Variants in SHTN1 observed in about 807,000 individuals in gnomAD.
SHTN1 encodes shootin-1.
Under a neutral mutation model 83.1 loss-of-function variants are expected in SHTN1, and 42 were observed. That is an observed-to-expected ratio of 0.51 (90% CI 0.39 to 0.65). SHTN1 has a LOEUF of 0.65. Among genes scored for constraint, SHTN1 ranks in the 30% least tolerant of loss-of-function variants. The pLI is 0.00. For missense variants in SHTN1, 622 were observed against 737.8 expected (o/e 0.84, Z 1.82); for synonymous variants, 224 against 247.7 (o/e 0.90, Z 0.90).
chr10:117,067,407 A>C (rs537198130), intron 1 of SHTN1, among the ~76,000 whole-genome samples: 1 of 152,162 alleles, frequency 6.6e-6, no homozygotes, highest in East Asian at 1.9e-4. Context: ...CCTAGCCAAC[A>C]TGGGGGAAAC....
intron 15 of SHTN1, 138 bp downstream of exon 15, chr10:116,906,489 C>T: frequency 1.3e-6 from 1 of 744,084 alleles, no homozygotes; most frequent in African/African-American, 1.8e-5. Context: ...TATCTTTACC[C>T]ATCCCATACT....
chr10:116,951,810 T>A (rs972350536), intron 6 of SHTN1, 99 bp downstream of exon 6: 3 of 506,276 alleles, frequency 5.9e-6, no homozygotes, highest in Middle Eastern at 2.9e-4. Context: ...ATGGTTCTCA[T>A]GTTAGAAATT....
chr10:116,995,335 C>G (rs929926611), intron 1 of SHTN1, among the ~76,000 whole-genome samples: 5 of 152,110 alleles, frequency 3.3e-5, no homozygotes, highest in African/African-American at 4.8e-5. Context: ...AAAGGAGAAA[C>G]TGAACTCCTA....
intron 1 of SHTN1, among the ~76,000 whole-genome samples, chr10:117,004,684 C>T (rs924173623): frequency 9.9e-5 from 15 of 152,132 alleles, no homozygotes; most frequent in African/African-American, 3.6e-4. Flanking sequence ...GCCCCACCCG[C>T]TTCTCCGGCA....
At chr10:117,125,440 T>G (rs953318631) in intron 1 of SHTN1, among the ~76,000 whole-genome samples, 1 of 152,190 alleles carries the variant, frequency 6.6e-6, no homozygotes, top group East Asian at 1.9e-4. Flanking sequence ...ATCCCAGACC[T>G]CGACACCAAT....
intron 16 of SHTN1, chr10:116,901,032 G>C (rs1489431406): frequency 4.5e-5 from 44 of 985,272 alleles, no homozygotes; most frequent in Non-Finnish European, 5.2e-5. Context: ...CAGGAAATCA[G>C]AGGTTTAATT....
chr10:116,976,407 G>A (rs980726370), intron 2 of SHTN1, among the ~76,000 whole-genome samples: 2 of 152,130 alleles, frequency 1.3e-5, no homozygotes, highest in African/African-American at 4.8e-5. Flanking sequence ...TAGACATGTG[G>A]AAGGAAAAAA....
chr10:116,988,087 G>GAGC (rs1851287141), intron 1 of SHTN1, among the ~76,000 whole-genome samples: 1 of 152,108 alleles, frequency 6.6e-6, no homozygotes. Context: ...GACAAAAAGT[G>GAGC]AGCCCTAATG....
At chr10:116,947,702 G>C (rs1849642193) in intron 7 of SHTN1, among the ~76,000 whole-genome samples, 1 of 152,002 alleles carries the variant, frequency 6.6e-6, no homozygotes, top group African/African-American at 2.4e-5. Flanking sequence ...CTTCTGACTT[G>C]GAATCTGAAA....
At chr10:116,998,566 A>G (rs1444815325) in intron 1 of SHTN1, among the ~76,000 whole-genome samples, 1 of 152,164 alleles carries the variant, frequency 6.6e-6, no homozygotes, top group Non-Finnish European at 1.5e-5. Flanking sequence ...GCACAGGAAA[A>G]AACTTGGAAT....
intron 2 of SHTN1, among the ~76,000 whole-genome samples, chr10:117,045,357 G>A (rs1852645849): frequency 1.3e-5 from 2 of 152,108 alleles, no homozygotes; most frequent in South Asian, 4.1e-4. Flanking sequence ...GAAACATAAA[G>A]GTCACAGCCC....
intron 1 of SHTN1, among the ~76,000 whole-genome samples, chr10:117,072,279 G>A (rs1275992871): frequency 1.3e-5 from 2 of 152,080 alleles, no homozygotes; most frequent in Non-Finnish European, 2.9e-5. Context: ...GCCTATTGTG[G>A]GACTTTGTGA....
intron 1 of SHTN1, among the ~76,000 whole-genome samples, chr10:117,075,410 CAATT>C (rs1401415882): frequency 6.6e-6 from 1 of 152,170 alleles, no homozygotes. Context: ...TTCATTCATT[CAATT>C]ATTTACCAAA....
At chr10:117,027,599 T>G (rs1370166526) in intron 2 of SHTN1, among the ~76,000 whole-genome samples, 1 of 151,862 alleles carries the variant, frequency 6.6e-6, no homozygotes, top group Non-Finnish European at 1.5e-5. Context: ...CCCAGGTTCA[T>G]GCCATTCTCC....
At chr10:116,977,342 T>C (rs1850844117) in intron 2 of SHTN1, among the ~76,000 whole-genome samples, 1 of 152,206 alleles carries the variant, frequency 6.6e-6, no homozygotes, top group Non-Finnish European at 1.5e-5. Context: ...AGAGTGCTCC[T>C]GAATTAACCC....
intron 3 of SHTN1, among the ~76,000 whole-genome samples, chr10:116,967,133 A>G (rs1332043699): frequency 6.6e-6 from 1 of 152,222 alleles, no homozygotes; most frequent in African/African-American, 2.4e-5. Context: ...GACTGACAGA[A>G]CATCTGCAGA....
At chr10:116,952,317 T>C (rs766339600) in intron 5 of SHTN1, among the ~76,000 whole-genome samples, 1 of 152,206 alleles carries the variant, frequency 6.6e-6, no homozygotes, top group African/African-American at 2.4e-5. Flanking sequence ...TAAAATTTTT[T>C]AAGTTTTCAG....
chr10:116,933,929 C>CT (rs1368107368), intron 9 of SHTN1, among the ~76,000 whole-genome samples: 1 of 152,138 alleles, frequency 6.6e-6, no homozygotes, highest in Non-Finnish European at 1.5e-5. Context: ...TGATGATGAG[C>CT]TTTTTTTCAT....
chr10:116,977,177 A>G (rs1409018257), intron 2 of SHTN1, among the ~76,000 whole-genome samples: 1 of 152,268 alleles, frequency 6.6e-6, no homozygotes, highest in Non-Finnish European at 1.5e-5. Flanking sequence ...GGGCACTGCT[A>G]GGTCTACATG....
Sources: gnomAD v4.1 joint callset for allele counts (sites outside exome capture counted in the v4.1 genomes callset) on GRCh38, gnomAD v4.1.1 for gene constraint, MANE v1.5 for transcripts, NCBI Gene and HGNC (gene_info 2026-07-23, HGNC 2026-07-21) for gene names.